The following FAM13A variants were observed in gnomAD, a reference collection of about 807,000 sequenced individuals.
FAM13A encodes the protein family with sequence similarity 13 member A, also known as protein FAM13A.
In FAM13A, 76 loss-of-function variants were observed where a neutral mutation model predicts 129.6. The observed-to-expected ratio is 0.59, with a 90% CI of 0.49 to 0.71. The LOEUF (loss-of-function observed/expected upper bound fraction) is 0.71. Among genes scored for constraint, FAM13A ranks in the 30% least tolerant of loss-of-function variants. The pLI is 0.00. For missense variants in FAM13A, 1,108 were observed against 1,249.3 expected (o/e 0.89, Z 1.70); for synonymous variants, 443 against 449.9 (o/e 0.98, Z 0.20).
chr4:88,737,437 G>C (rs780373580), intron 21 of FAM13A, 35 bp downstream of exon 21: 1 of 1,574,984 alleles, frequency 6.3e-7, no homozygotes. Context: ...GAACTGGTGC[G>C]GATTTAGCAA....
At chr4:88,982,287 A>G (rs1279049197) in intron 4 of FAM13A, among the ~76,000 whole-genome samples, 2 of 152,254 alleles carry the variant, frequency 1.3e-5, no homozygotes, top group African/African-American at 4.8e-5. Context: ...GAGCAATGTC[A>G]TGTCTTCCAT....
intron 7 of FAM13A, among the ~76,000 whole-genome samples, chr4:88,813,152 AG>A (rs553160265): frequency 2.6e-5 from 4 of 152,276 alleles, no homozygotes; most frequent in African/African-American, 9.6e-5. Context: ...TGTTCGGGCA[AG>A]GTAATGTTTG....
intron 4 of FAM13A, 128 bp from the exon 5 acceptor site, chr4:88,938,369 A>T: frequency 1.5e-6 from 1 of 653,064 alleles, no homozygotes; most frequent in South Asian, 2.7e-5. Flanking sequence ...ATTTTCAACA[A>T]GCTCTTTGGT....
chr4:88,739,735 C>T (rs935173445), intron 19 of FAM13A, among the ~76,000 whole-genome samples: 4 of 135,982 alleles, frequency 2.9e-5, no homozygotes, highest in Admixed American at 2.4e-4. Flanking sequence ...TGCAGTGAGC[C>T]GAGATCACAC....
chr4:89,022,431 T>C (rs1473980230), intron 2 of FAM13A, among the ~76,000 whole-genome samples: 1 of 152,148 alleles, frequency 6.6e-6, no homozygotes, highest in Non-Finnish European at 1.5e-5. Flanking sequence ...AAAATCAATA[T>C]CAAAAGTTGA....
At chr4:88,860,822 T>C (rs926401547) in intron 6 of FAM13A, among the ~76,000 whole-genome samples, 5 of 152,184 alleles carry the variant, frequency 3.3e-5, no homozygotes, top group Non-Finnish European at 7.3e-5. Flanking sequence ...CTGGAAATTG[T>C]AAGGCCAGGA....
intron 7 of FAM13A, among the ~76,000 whole-genome samples, chr4:88,841,337 T>C (rs1735782940): frequency 6.6e-6 from 1 of 151,420 alleles, no homozygotes; most frequent in South Asian, 2.1e-4. Context: ...TTACTAGAAA[T>C]ACAAAAATTA....
At chr4:88,847,732 C>T (rs28400320) in intron 7 of FAM13A, among the ~76,000 whole-genome samples, 7,380 of 152,110 alleles carry the variant, frequency 0.049, 344 homozygotes, top group East Asian at 0.23. Context: ...CAGGAGATTG[C>T]GACCATCCTG....
intron 11 of FAM13A, among the ~76,000 whole-genome samples, chr4:88,771,906 A>T (rs1720752561): frequency 6.6e-6 from 1 of 152,206 alleles, no homozygotes; most frequent in African/African-American, 2.4e-5. Flanking sequence ...GATAAACTCA[A>T]GTCTAAAAGA....
At chr4:89,015,202 T>C (rs1413238624) in intron 3 of FAM13A, among the ~76,000 whole-genome samples, 1 of 152,142 alleles carries the variant, frequency 6.6e-6, no homozygotes, top group Non-Finnish European at 1.5e-5. Flanking sequence ...CCAACGACAA[T>C]GTGTGCCTGA....
At chr4:89,005,633 T>C (rs930196872) in intron 3 of FAM13A, among the ~76,000 whole-genome samples, 2 of 152,222 alleles carry the variant, frequency 1.3e-5, no homozygotes, top group African/African-American at 2.4e-5. Context: ...TAATATCTCA[T>C]TGTGGTTCCA....
chr4:88,982,107 CA>C (rs1761725763), intron 4 of FAM13A, among the ~76,000 whole-genome samples: 1 of 152,166 alleles, frequency 6.6e-6, no homozygotes, highest in South Asian at 2.1e-4. Context: ...AGAGCCAAGG[CA>C]ATCTGAGGAG....
chr4:88,784,090 A>C (rs1437257606), intron 10 of FAM13A, among the ~76,000 whole-genome samples: 1 of 152,198 alleles, frequency 6.6e-6, no homozygotes, highest in East Asian at 1.9e-4. Flanking sequence ...TGACTAGAAA[A>C]AATCCTGTCA....
chr4:88,866,357 T>C (rs1740439693), intron 6 of FAM13A, among the ~76,000 whole-genome samples: 1 of 152,074 alleles, frequency 6.6e-6, no homozygotes. Flanking sequence ...AATTTTTGTA[T>C]TTTTAGTAGA....
chr4:88,914,361 G>T, intron 5 of FAM13A, among the ~76,000 whole-genome samples: 1 of 152,078 alleles, frequency 6.6e-6, no homozygotes, highest in South Asian at 2.1e-4. Flanking sequence ...TCCTTACCAT[G>T]ACCTACACAG....
At chr4:89,052,368 T>C (rs1289143819) in intron 1 of FAM13A, among the ~76,000 whole-genome samples, 1 of 151,662 alleles carries the variant, frequency 6.6e-6, no homozygotes, top group Non-Finnish European at 1.5e-5. Context: ...TGCAGGTTAG[T>C]TACATATGTA....
intron 4 of FAM13A, among the ~76,000 whole-genome samples, chr4:88,942,182 G>GA (rs1338328774): frequency 6.6e-6 from 1 of 152,062 alleles, no homozygotes; most frequent in Non-Finnish European, 1.5e-5. Flanking sequence ...TATCCTAGAT[G>GA]AAAAAAACTG....
chr4:88,781,205 G>A lies in FAM13A; in HGVS notation c.1418C>T (p.Thr473Ile). Residue 473 changes from threonine (T) to isoleucine (I), a missense_variant, in exon 11 of 24, where the codon ACT becomes ATT. Physicochemically the swap from Thr to Ile is moderately conservative, Grantham distance 89 (BLOSUM62 -1). This residue lies in a region of FAM13A where 566 missense variants were observed against 595.7 expected (regional missense o/e 0.95). Transcript: ENST00000264344. ...ATTGTCATGAAGCTCAGAAAGTTTA[G>A]TACTGGATTTCTGACGTTTAGGCTT... Reference protein sequence around the residue: ...RSKPKRQKSSTKLSELHDNQD... With the variant: ...RSKPKRQKSSIKLSELHDNQD... The A allele has an allele frequency of 6.2e-6, 10 of 1,611,016 alleles. No homozygotes were observed. Among genetic ancestry groups the A allele is most frequent in the Non-Finnish European group, 8.5e-6 (10 of 1,178,556 alleles).
chr4:88,985,804 T>G, intron 4 of FAM13A, among the ~76,000 whole-genome samples: 1 of 150,882 alleles, frequency 6.6e-6, no homozygotes, highest in Middle Eastern at 3.2e-3. Context: ...GACTAAAACT[T>G]ACTTTGTCCA....
Sources: allele counts gnomAD v4.1 joint callset (sites outside exome capture counted in the v4.1 genomes callset), GRCh38; gene constraint gnomAD v4.1.1; regional missense constraint gnomAD v4.1.1; transcripts MANE v1.5; gene names NCBI Gene and HGNC (gene_info 2026-07-23, HGNC 2026-07-21).